The following TP73 variants were observed in gnomAD, a reference collection of about 807,000 sequenced individuals.
TP73 encodes tumor protein p73.
In TP73, 25 loss-of-function variants were observed where a neutral mutation model predicts 62.5. The observed-to-expected ratio is 0.40, with a 90% confidence interval of 0.29 to 0.56. TP73 has a LOEUF of 0.56. Among genes scored for constraint, TP73 ranks in the 20% least tolerant of loss-of-function variants. The pLI, the probability that TP73 is intolerant of heterozygous loss-of-function variation, is 0.46. For synonymous variants in TP73, 423 were observed against 377.5 expected, an observed-to-expected ratio of 1.12 and a Z score of -1.40; for missense variants, 754 against 913.3, an observed-to-expected ratio of 0.83 and a Z score of 2.25.
chr1:3,707,984 T>C, intron 4 of TP73, 193 bp downstream of exon 4: 1 of 878,016 alleles, frequency 1.1e-6, no homozygotes, highest in South Asian at 1.8e-5. Context: ...TGCCCACCCC[T>C]CTAGACGTGA....
At chr1:3,729,196 C>T in intron 9 of TP73, 131 bp from the exon 10 acceptor site, 1 of 1,274,540 alleles carries the variant, frequency 7.8e-7, no homozygotes, top group South Asian at 1.4e-5. Context: ...GGATCCTGAG[C>T]CTCTGGGGTG....
intron 3 of TP73, among the ~76,000 whole-genome samples, chr1:3,690,042 C>T (rs967689777): frequency 5.3e-5 from 8 of 152,248 alleles, no homozygotes; most frequent in African/African-American, 1.9e-4. Flanking sequence ...CCGTCCACGC[C>T]TGCAGGGGGC....
At chr1:3,717,358 G>A (rs1041374029) in intron 4 of TP73, among the ~76,000 whole-genome samples, 9 of 152,204 alleles carry the variant, frequency 5.9e-5, no homozygotes, top group Non-Finnish European at 1.2e-4. Context: ...GAGAGGAGCC[G>A]GCAGCGTGGG....
At chr1:3,698,927 C>T (rs949812075) in intron 3 of TP73, among the ~76,000 whole-genome samples, 14 of 152,148 alleles carry the variant, frequency 9.2e-5, no homozygotes, top group African/African-American at 2.9e-4. Flanking sequence ...TGCAGACACA[C>T]GTCTGGGGAC....
chr1:3,725,578 ATGGG>A (rs1344426203), intron 6 of TP73, among the ~76,000 whole-genome samples: 1 of 84,408 alleles, frequency 1.2e-5, no homozygotes, highest in Non-Finnish European at 2.2e-5. Context: ...GAATGGATGG[ATGGG>A]TGGGTGGGTG....
chr1:3,675,919 C>T (rs10910007), intron 1 of TP73, among the ~76,000 whole-genome samples: 11,359 of 151,992 alleles, frequency 0.075, 1,073 homozygotes, highest in African/African-American at 0.22. Context: ...GGGCGTCAGC[C>T]GGAGACGGGG....
chr1:3,732,669 G>C lies in TP73; in HGVS notation c.1579-78G>C, dbSNP rs116313323. The C allele has an allele frequency of 3.9e-3, 5,230 of 1,349,912 alleles. 165 individuals carry two copies. The African/African-American group carries it at 0.068, about 17-fold the overall frequency. 83.6% of individuals were successfully genotyped at this position (1,349,912 alleles called of 1,614,324 possible). A position where few individuals can be genotyped will look rare whatever the true frequency, so the allele number is the denominator to read the frequency against. The stretch of plus-strand genomic sequence containing the variant: ...TAGGGGCCAGGGTGTGGTGTGGCCA[G>C]ACCTCCAGGCCCAGGGCGACCCCCC... On this transcript the variant is annotated intron_variant, in intron 13 of 13. Coordinates refer to ENST00000378295, the MANE Select transcript of TP73 (RefSeq NM_005427.4).
intron 1 of TP73, among the ~76,000 whole-genome samples, chr1:3,660,631 TATAA>T (rs1392428531): frequency 6.6e-6 from 1 of 152,254 alleles, no homozygotes; most frequent in African/African-American, 2.4e-5. Flanking sequence ...TGCTGTAAGT[TATAA>T]ATAGTTTCTT....
intron 1 of TP73, among the ~76,000 whole-genome samples, chr1:3,679,819 G>A (rs535943882): frequency 7.1e-6 from 1 of 140,872 alleles, no homozygotes; most frequent in East Asian, 2.1e-4. Context: ...CTCTGTCTCT[G>A]TCTCTGTCTC....
intron 1 of TP73, among the ~76,000 whole-genome samples, chr1:3,671,022 G>A (rs916972699): frequency 4.6e-5 from 7 of 152,216 alleles, no homozygotes; most frequent in Admixed American, 2.6e-4. Context: ...CTTAAATGGG[G>A]GTGCGCGGGC....
At position 3,666,906 on chromosome 1, in the gene TP73, G is replaced by A. The variant is rs1277831466; in HGVS notation, c.-34+14265G>A. Reference sequence around the variant, plus strand: ...AAAGTGGCTCCCCAAAGGTCTTCACGTCCCAATCCCCAGAACCCGTGTCTA... The same window carrying A: ...AAAGTGGCTCCCCAAAGGTCTTCACATCCCAATCCCCAGAACCCGTGTCTA... On this transcript the variant is annotated intron_variant, in intron 1 of 13. Transcript: ENST00000378295. The surrounding 1 kb of genome is among the most constrained non-coding windows in gnomAD (Gnocchi z 6.4). Among the ~76,000 whole-genome samples, 8 of 152,272 alleles carry A rather than the reference G, an allele frequency of 5.3e-5. No individual in the cohort carries two copies. The highest frequency in any genetic ancestry group is 2.6e-4 in the Admixed American group (4 of 15,286).
intron 2 of TP73, among the ~76,000 whole-genome samples, chr1:3,682,752 T>G (rs1449614513): frequency 6.6e-6 from 1 of 152,222 alleles, no homozygotes; most frequent in Non-Finnish European, 1.5e-5. Context: ...GAGGGACTGC[T>G]GCCCTAGGCC....
chr1:3,667,613 G>C (rs1187050474), intron 1 of TP73, among the ~76,000 whole-genome samples: 2 of 152,052 alleles, frequency 1.3e-5, no homozygotes, highest in Admixed American at 6.5e-5. Flanking sequence ...AGCCAGGCGT[G>C]GTGGCACGTG....
chr1:3,732,943 A>G lies in TP73; in HGVS notation c.1775A>G (p.His592Arg). The change falls in exon 14 of 14, where the codon CAC becomes CGC. Residue 592 changes from histidine to arginine, a missense_variant. This residue lies in a region of TP73 where 458 missense variants were observed against 528.7 expected (regional missense o/e 0.87). Coordinates refer to ENST00000378295, the MANE Select transcript of TP73 (RefSeq NM_005427.4). ...GAGGCCGTGCACTTCCGCGTGCGCC[A>G]CACCATCACCATCCCCAACCGCGGC... The part of the protein sequence containing the change: ...VMEAVHFRVR[H>R]TITIPNRGGP... 6.2e-7 allele frequency: 1 copy of G among 1,609,618 alleles called. No homozygotes were observed. The highest frequency in any genetic ancestry group is 8.5e-7 in the Non-Finnish European group (1 of 1,179,338).
At chr1:3,720,072 G>A (rs1430340462) in intron 4 of TP73, among the ~76,000 whole-genome samples, 2 of 152,082 alleles carry the variant, frequency 1.3e-5, no homozygotes, top group East Asian at 1.9e-4. Context: ...ACAGGCGCCC[G>A]CCACCTTGCC....
chr1:3,658,180 A>G (rs1644906882), intron 1 of TP73, among the ~76,000 whole-genome samples: 1 of 152,202 alleles, frequency 6.6e-6, no homozygotes, highest in Non-Finnish European at 1.5e-5. Flanking sequence ...TGGAGGGGAC[A>G]TGGGGGACAC....
intron 3 of TP73, among the ~76,000 whole-genome samples, chr1:3,684,908 C>G (rs1248124566): frequency 6.6e-6 from 1 of 152,134 alleles, no homozygotes; most frequent in African/African-American, 2.4e-5. Context: ...AGTGAGACTG[C>G]AACCTCTCCC....
chr1:3,707,513 G>A (rs367951812), intron 3 of TP73, 36 bp from the exon 4 acceptor site: 195 of 1,588,380 alleles, frequency 1.2e-4, no homozygotes, highest in African/African-American at 2.0e-4. Flanking sequence ...CTGACTGTGT[G>A]TGTTTCCCCC....
intron 3 of TP73, among the ~76,000 whole-genome samples, chr1:3,690,039 C>T (rs542485684): frequency 4.6e-5 from 7 of 152,226 alleles, no homozygotes; most frequent in African/African-American, 1.4e-4. Flanking sequence ...AGGCCGTCCA[C>T]GCCTGCAGGG....
Sources: gnomAD v4.1 joint callset for allele counts (sites outside exome capture counted in the v4.1 genomes callset) on GRCh38, gnomAD v4.1.1 for gene constraint, gnomAD v4.1.1 regional missense constraint, Gnocchi (gnomAD v3.1) non-coding constraint, MANE v1.5 for transcripts, NCBI Gene and HGNC (gene_info 2026-07-23, HGNC 2026-07-21) for gene names.